Variants in SOAT1 observed in about 807,000 individuals in gnomAD.
SOAT1 encodes the protein acyl-coenzyme A:cholesterol acyltransferase 1.
In SOAT1, 55 loss-of-function variants were observed where a neutral mutation model predicts 69.5. The observed-to-expected ratio is 0.79, with a 90% CI of 0.64 to 0.99. SOAT1 has a LOEUF of 0.99. Ranked by LOEUF, SOAT1 falls within the 50% of genes least tolerant of loss-of-function variation. The probability of loss-of-function intolerance (pLI) is 0.00; values close to 1 mark genes in which losing one functional copy is unlikely to be tolerated. For synonymous variants in SOAT1, 231 were observed against 224.7 expected (o/e 1.03, Z -0.25); for missense variants, 580 against 669.3 (o/e 0.87, Z 1.47).
chr1:179,338,303 G>A (rs780862144), intron 5 of SOAT1, among the ~76,000 whole-genome samples: 18 of 152,248 alleles, frequency 1.2e-4, no homozygotes, highest in African/African-American at 3.9e-4. Flanking sequence ...CAGGAGGATC[G>A]CTTGAGCCCG....
chr1:179,298,886 A>T (rs111324768), intron 1 of SOAT1, among the ~76,000 whole-genome samples: 46 of 152,290 alleles, frequency 3.0e-4, no homozygotes, highest in African/African-American at 1.1e-3. Context: ...TTGAACCATC[A>T]TAAGTTGGGG....
intron 4 of SOAT1, 21 bp downstream of exon 4, chr1:179,335,678 T>A: frequency 6.2e-7 from 1 of 1,602,782 alleles, no homozygotes; most frequent in Non-Finnish European, 8.5e-7. Flanking sequence ...GCTATTTTCT[T>A]TTAATGCAAA....
chr1:179,350,138 T>C (rs1433099122), intron 13 of SOAT1, among the ~76,000 whole-genome samples, 158 bp from the exon 14 acceptor site: 1 of 152,256 alleles, frequency 6.6e-6, no homozygotes, highest in Non-Finnish European at 1.5e-5. Context: ...ATATGATTTG[T>C]AGTTATTTTA....
At chr1:179,323,378 C>T (rs1665672843) in intron 2 of SOAT1, 59 bp from the exon 3 acceptor site, 5 of 1,372,712 alleles carry the variant, frequency 3.6e-6, no homozygotes, top group Non-Finnish European at 5.1e-6. Context: ...ATGATTTAGA[C>T]AGTGCTACTA....
At chr1:179,335,699 G>C in intron 4 of SOAT1, 42 bp downstream of exon 4, 1 of 1,541,264 alleles carries the variant, frequency 6.5e-7, no homozygotes, top group Non-Finnish European at 8.8e-7. Flanking sequence ...CATCTACTCA[G>C]TATAGTTCAA....
intron 2 of SOAT1, among the ~76,000 whole-genome samples, chr1:179,317,263 G>T (rs1665425498): frequency 1.3e-5 from 2 of 152,206 alleles, no homozygotes; most frequent in Admixed American, 1.3e-4. Context: ...GCCTGGCGCG[G>T]TGGCTCACGC....
chr1:179,315,873 C>G (rs946971073), intron 2 of SOAT1, among the ~76,000 whole-genome samples: 24 of 152,176 alleles, frequency 1.6e-4, no homozygotes, highest in African/African-American at 5.5e-4. Flanking sequence ...AGGAAAGAAG[C>G]TTTTGTCTTC....
chr1:179,336,323 C>T (rs2492777), intron 4 of SOAT1, among the ~76,000 whole-genome samples: 40,692 of 150,818 alleles, frequency 0.27, 5,644 homozygotes, highest in African/African-American at 0.32. Context: ...ATTAGCTGGA[C>T]GTGGTCGTGC....
intron 4 of SOAT1, 130 bp from the exon 5 acceptor site, chr1:179,337,707 C>T (rs1366056646): frequency 1.7e-6 from 1 of 575,038 alleles, no homozygotes; most frequent in African/African-American, 1.9e-5. Context: ...CATCTGTAAT[C>T]CTAGTAGTGA....
At chr1:179,305,700 T>G (rs552750468) in intron 2 of SOAT1, among the ~76,000 whole-genome samples, 1 of 152,184 alleles carries the variant, frequency 6.6e-6, no homozygotes, top group Non-Finnish European at 1.5e-5. Flanking sequence ...CCACCAGCAA[T>G]GTATGAGGGT....
chr1:179,312,007 C>CA (rs1214082078), intron 2 of SOAT1, among the ~76,000 whole-genome samples: 6 of 152,062 alleles, frequency 3.9e-5, no homozygotes, highest in African/African-American at 1.4e-4. Context: ...TGAAAGACAG[C>CA]AAAAATTAAG....
In SOAT1 at chr1:179,310,265, C is replaced by CTTTTT. The variant is rs34859522; in HGVS notation, c.118+7473_118+7477dup. Among the ~76,000 whole-genome samples, 5 of 143,476 alleles carry CTTTTT rather than the reference C, an allele frequency of 3.5e-5. No homozygotes were observed. The East Asian group carries it at 6.1e-4, about 17-fold the overall frequency. 94.1% of individuals were successfully genotyped at this position (143,476 alleles called of 152,430 possible). A position where few individuals can be genotyped will look rare whatever the true frequency, so the allele number is the denominator to read the frequency against. On this transcript the variant is annotated intron_variant, in intron 2 of 15. Transcript: ENST00000367619. Reference sequence around the variant, plus strand: ...AGATTATGACAAAAAGAAAACATGACTTTTTTTTTTTTTTACTTTTGTGGT... The same window carrying CTTTTT: ...AGATTATGACAAAAAGAAAACATGACTTTTTTTTTTTTTTTTTTTACTTTTGTGGT...
intron 2 of SOAT1, among the ~76,000 whole-genome samples, chr1:179,305,344 T>C (rs1664966144): frequency 6.6e-6 from 1 of 152,016 alleles, no homozygotes; most frequent in Admixed American, 6.6e-5. Flanking sequence ...GCAGCCTCGA[T>C]CTCCTGGCCT....
At chr1:179,345,755 G>T (rs1385140910) in intron 11 of SOAT1, among the ~76,000 whole-genome samples, 2 of 152,044 alleles carry the variant, frequency 1.3e-5, no homozygotes, top group South Asian at 2.1e-4. Flanking sequence ...TCCCTATGTT[G>T]CCCAGGCCAT....
intron 14 of SOAT1, among the ~76,000 whole-genome samples, chr1:179,350,883 A>G (rs1666699798): frequency 6.6e-6 from 1 of 152,072 alleles, no homozygotes; most frequent in Non-Finnish European, 1.5e-5. Context: ...CTGAAGCTTT[A>G]TTTTTCTTTA....
chr1:179,301,323 C>T (rs1021387581), intron 1 of SOAT1, among the ~76,000 whole-genome samples: 2 of 152,178 alleles, frequency 1.3e-5, no homozygotes, highest in Non-Finnish European at 2.9e-5. Context: ...CTCACCACTG[C>T]CTTCCTGAAA....
chr1:179,351,020 TC>T, intron 14 of SOAT1, among the ~76,000 whole-genome samples: 8 of 27,054 alleles, frequency 3.0e-4, no homozygotes, highest in African/African-American at 2.9e-4. Flanking sequence ...TATATTTCTT[TC>T]TTTTTTTTTT....
intron 7 of SOAT1, 52 bp downstream of exon 7, chr1:179,341,362 A>G: frequency 6.6e-6 from 10 of 1,507,246 alleles, no homozygotes; most frequent in Non-Finnish European, 8.2e-6. Context: ...TAAAATAATA[A>G]TAATGATGAT....
chr1:179,313,122 A>G (rs1665273619), intron 2 of SOAT1, among the ~76,000 whole-genome samples: 1 of 152,192 alleles, frequency 6.6e-6, no homozygotes, highest in African/African-American at 2.4e-5. Flanking sequence ...TTATTTGCCA[A>G]CCAGATTTAC....
Sources: allele counts gnomAD v4.1 joint callset (sites outside exome capture counted in the v4.1 genomes callset), GRCh38; gene constraint gnomAD v4.1.1; transcripts MANE v1.5; gene names NCBI Gene and HGNC (gene_info 2026-07-23, HGNC 2026-07-21).